Variants in TRPM2 observed in about 807,000 individuals in gnomAD.
TRPM2 encodes transient receptor potential cation channel subfamily M member 2.
Under a neutral mutation model 174.0 loss-of-function variants are expected in TRPM2, and 161 were observed. The observed-to-expected ratio is 0.93, with a 90% CI of 0.81 to 1.05. The LOEUF (loss-of-function observed/expected upper bound fraction) is 1.05. Among genes scored for constraint, TRPM2 ranks in the 50% least tolerant of loss-of-function variants. The probability of loss-of-function intolerance (pLI) is 0.00; values close to 1 mark genes in which losing one functional copy is unlikely to be tolerated. For missense variants in TRPM2, 2,057 were observed against 2,038.0 expected (o/e 1.01, Z -0.18); for synonymous variants, 954 against 861.3 (o/e 1.11, Z -1.88).
At chr21:44,433,381 C>T (rs1161726035) in intron 27 of TRPM2, among the ~76,000 whole-genome samples, 3 of 152,264 alleles carry the variant, frequency 2.0e-5, no homozygotes, top group Admixed American at 6.5e-5. Flanking sequence ...CAGCCTTGCT[C>T]CCAGCAGCAC....
intron 3 of TRPM2, among the ~76,000 whole-genome samples, chr21:44,364,746 C>T (rs1323614474): frequency 1.3e-5 from 2 of 152,168 alleles, no homozygotes; most frequent in Non-Finnish European, 2.9e-5. Flanking sequence ...TGGAAGCAAA[C>T]GCGAGAGTCC....
rs542863550 is a variant in TRPM2 at position 44,356,174 on chromosome 21, A to G, written c.254+1438A>G. ...TGGGATTACAGGCGTGAGCCACTGC[A>G]TCTGGCTATGTTATTTTTAATTGTT... On this transcript the variant is annotated intron_variant, in intron 2 of 31. Transcript: ENST00000397928. Among the ~76,000 whole-genome samples the G allele has an allele frequency of 1.6e-3, 220 of 133,702 alleles. 1 individual carries two copies. Among genetic ancestry groups the G allele is most frequent in the Middle Eastern group, 7.7e-3 (2 of 260 alleles). 87.7% of individuals were successfully genotyped at this position (133,702 alleles called of 152,430 possible). A position where few individuals can be genotyped will look rare whatever the true frequency, so the allele number is the denominator to read the frequency against.
At chr21:44,429,959 T>C (rs920950821) in intron 27 of TRPM2, among the ~76,000 whole-genome samples, 4 of 152,230 alleles carry the variant, frequency 2.6e-5, no homozygotes, top group African/African-American at 9.6e-5. Flanking sequence ...GGAATGTTTC[T>C]ATCTAGTCCC....
chr21:44,425,033 G>T (rs2050703130), intron 24 of TRPM2, 94 bp downstream of exon 24: 3 of 1,156,754 alleles, frequency 2.6e-6, no homozygotes, highest in Non-Finnish European at 3.7e-6. Flanking sequence ...GGGGTGGGGG[G>T]CTCTGTCCAG....
At chr21:44,400,583 T>C (rs940776421) in intron 15 of TRPM2, among the ~76,000 whole-genome samples, 55 of 152,202 alleles carry the variant, frequency 3.6e-4, no homozygotes, top group African/African-American at 1.2e-3. Flanking sequence ...GCCCCAGCAC[T>C]GATCTCATGA....
chr21:44,428,387 G>GAGGTGTGGCTCCTCCCCTT lies in TRPM2; in HGVS notation c.3974+1319_3974+1337dup, dbSNP rs1375223020. Among the ~76,000 whole-genome samples the GAGGTGTGGCTCCTCCCCTT allele has an allele frequency of 4.5e-4, 66 of 145,098 alleles. 2 individuals are homozygous for GAGGTGTGGCTCCTCCCCTT. The East Asian group carries it at 5.7e-3, about 13-fold the overall frequency. ...CTCCCCTGAGGTGTGGCTCCTCCCT[G>GAGGTGTGGCTCCTCCCCTT]AGGTGTGGCTCCTCCCCTTAGGTGT... On this transcript the variant is annotated intron_variant, in intron 27 of 31. Coordinates refer to ENST00000397928, the MANE Select transcript of TRPM2 (RefSeq NM_003307.4).
chr21:44,438,872 G>T lies in TRPM2; in HGVS notation c.4168-195G>T, dbSNP rs2051379730. ...CCCAGTGCCCCCTGCTCGGGCCACG[G>T]CAGGCCTCACAGATGCTGACGTGGA... is the stretch of plus-strand genomic sequence containing the variant. On this transcript the variant is annotated intron_variant, in intron 29 of 31. Coordinates refer to ENST00000397928, the MANE Select transcript of TRPM2 (RefSeq NM_003307.4). The surrounding 1 kb of genome is among the most constrained non-coding windows in gnomAD (Gnocchi z 5.9). 6.6e-6 allele frequency among the ~76,000 whole-genome samples: 1 copy of T among 152,226 alleles called. No homozygotes were observed. The highest frequency in any genetic ancestry group is 6.5e-5 in the Admixed American group (1 of 15,292).
At chr21:44,351,184 C>A (rs1030234386), upstream of TRPM2, among the ~76,000 whole-genome samples, 16 of 152,322 alleles carry the variant, frequency 1.1e-4, no homozygotes, top group South Asian at 3.3e-3. Flanking sequence ...CACCAGGATC[C>A]TCTCGAGTCG....
intron 17 of TRPM2, among the ~76,000 whole-genome samples, chr21:44,405,626 C>T (rs1250761502): frequency 6.6e-6 from 1 of 152,180 alleles, no homozygotes; most frequent in Non-Finnish European, 1.5e-5. Context: ...TGCGAGGCCG[C>T]GGCCCCCTTT....
Position 44,366,485 on chromosome 21 carries a change from G to T in TRPM2, c.424-269G>T, listed in dbSNP as rs7280680. Among the ~76,000 whole-genome samples, 1 of 152,276 alleles carries T rather than the reference G, an allele frequency of 6.6e-6. No homozygotes were observed. Among genetic ancestry groups the T allele is most frequent in the East Asian group, 1.9e-4 (1 of 5,164 alleles). On this transcript the variant is annotated intron_variant, in intron 3 of 31. Transcript: ENST00000397928. The surrounding 1 kb of genome is among the most constrained non-coding windows in gnomAD (Gnocchi z 6.0). ...TCGAGAGGAAGAGGAAAAAGTGGGT[G>T]CCGTGGGGGCACGAGGGCTGGGGGA...
chr21:44,359,601 T>C (rs985777886), intron 2 of TRPM2, among the ~76,000 whole-genome samples: 4 of 151,138 alleles, frequency 2.6e-5, no homozygotes, highest in African/African-American at 7.3e-5. Context: ...TTTTGTTTGT[T>C]TTTTTTTAAT....
Position 44,379,122 on chromosome 21 carries a change from G to A in TRPM2, c.1140G>A (p.Gln380=). 4 of 1,613,600 alleles carry A rather than the reference G, an allele frequency of 2.5e-6. No individual in the cohort carries two copies. Among genetic ancestry groups the A allele is most frequent in the South Asian group, 1.1e-5 (1 of 91,088 alleles). Residue 380 remains glutamine (Q), a synonymous_variant, in exon 8 of 32, where the codon CAG becomes CAA. Transcript: ENST00000397928. ...PVSDITISLI[Q]QKLSVFFQEM... is the part of the protein sequence containing the mutation. ...CGGACATCACTATCTCCCTGATCCA[G>A]CAGAAACTGAGCGTGTTCTTCCAGG...
In TRPM2 at chr21:44,439,099, G is replaced by A. The variant is rs748342549; in HGVS notation, c.4200G>A (p.Arg1400=). 1.3e-5 allele frequency: 21 copies of A among 1,613,514 alleles called. No individual in the cohort carries two copies. Among genetic ancestry groups the A allele is most frequent in the Non-Finnish European group, 1.8e-5 (21 of 1,179,886 alleles). Residue 1400 remains arginine, a synonymous_variant, in exon 30 of 32, where the codon CGG becomes CGA. Transcript: ENST00000397928. The surrounding 1 kb of genome is among the most constrained non-coding windows in gnomAD (Gnocchi z 5.1). ...GGGAGCCAGGGGAGATGCTACCTCG[G>A]AAGCTGAAGCGGATCCTCCGGCAGG... ...GSREPGEMLP[R]KLKRILRQEH...
In TRPM2 at chr21:44,406,763, A is replaced by C; in HGVS notation, c.2960A>C (p.Asp987Ala). 1 of 1,600,934 alleles carries C rather than the reference A, an allele frequency of 6.2e-7. No homozygotes were observed. The highest frequency in any genetic ancestry group is 8.5e-7 in the Non-Finnish European group (1 of 1,175,786). Reference sequence around the variant, plus strand: ...TTCGGGCAGATCCCGGGCTACATCGACGGTAGGAGCCGGGCGCCATGGGAG... The same window carrying C: ...TTCGGGCAGATCCCGGGCTACATCGCCGGTAGGAGCCGGGCGCCATGGGAG... ...TIFGQIPGYI[D>A]GVNFNPEHCS... is the part of the protein sequence containing the mutation. Residue 987 changes from aspartate to alanine, a missense_variant and splice_region_variant, in exon 19 of 32, where the codon GAC becomes GCC. Transcript: ENST00000397928.
At chr21:44,357,276 C>A (rs951335925) in intron 2 of TRPM2, among the ~76,000 whole-genome samples, 11 of 152,234 alleles carry the variant, frequency 7.2e-5, no homozygotes, top group Admixed American at 6.5e-4. Context: ...GCTCTGCGTG[C>A]TTCTCACATG....
chr21:44,372,351 C>A (rs1336015240), intron 5 of TRPM2, among the ~76,000 whole-genome samples: 2 of 151,944 alleles, frequency 1.3e-5, no homozygotes, highest in African/African-American at 2.4e-5. Flanking sequence ...AAAAAATTAG[C>A]CGGGCATGGT....
chr21:44,389,045 A>G (rs2049096946), intron 9 of TRPM2, among the ~76,000 whole-genome samples: 2 of 152,070 alleles, frequency 1.3e-5, no homozygotes, highest in South Asian at 4.2e-4. Context: ...CATCTCCCCT[A>G]TCCTGAATAT....
chr21:44,403,155 C>T (rs894270277), intron 16 of TRPM2, among the ~76,000 whole-genome samples: 1 of 152,176 alleles, frequency 6.6e-6, no homozygotes, highest in Non-Finnish European at 1.5e-5. Context: ...ACCCCCAGCC[C>T]CAGCCCCATG....
chr21:44,377,815 C>T, intron 7 of TRPM2, 42 bp downstream of exon 7: 1 of 1,608,638 alleles, frequency 6.2e-7, no homozygotes, highest in Non-Finnish European at 8.5e-7. Context: ...TGGGCCCGTC[C>T]TGCTGCAGGC....
Sources: allele counts gnomAD v4.1 joint callset (sites outside exome capture counted in the v4.1 genomes callset), GRCh38; gene constraint gnomAD v4.1.1; non-coding constraint Gnocchi (gnomAD v3.1); transcripts MANE v1.5; gene names NCBI Gene and HGNC (gene_info 2026-07-23, HGNC 2026-07-21).